WWP2: variants seen among roughly 807,000 people sequenced by gnomAD.
The protein encoded by WWP2 is NEDD4-like E3 ubiquitin-protein ligase WWP2.
In WWP2, 57 loss-of-function variants were observed where a neutral mutation model predicts 121.0. The ratio of observed to expected loss-of-function variants is 0.47; its 90% CI spans 0.38 to 0.59. The LOEUF (loss-of-function observed/expected upper bound fraction) is 0.59. Ranked by LOEUF, WWP2 falls within the 20% of genes least tolerant of loss-of-function variation. The pLI, the probability that WWP2 is intolerant of heterozygous loss-of-function variation, is 0.00. For missense variants in WWP2, 962 were observed against 1,158.9 expected, an observed-to-expected ratio of 0.83 and a Z score of 2.47; for synonymous variants, 449 against 441.3, an observed-to-expected ratio of 1.02 and a Z score of -0.22.
At chr16:69,842,244 C>A in intron 6 of WWP2, 124 bp downstream of exon 6, 2 of 908,000 alleles carry the variant, frequency 2.2e-6, no homozygotes. Flanking sequence ...GATCTTGTAA[C>A]TGACTCAGTA....
intron 14 of WWP2, 108 bp from the exon 15 acceptor site, chr16:69,931,401 G>A: frequency 6.6e-7 from 1 of 1,511,618 alleles, no homozygotes; most frequent in East Asian, 2.3e-5. Context: ...TAGGGCACAT[G>A]CTATTGCCTC....
At chr16:69,763,131 T>C (rs1367477097) in intron 1 of WWP2, among the ~76,000 whole-genome samples, 4 of 152,248 alleles carry the variant, frequency 2.6e-5, no homozygotes, top group Non-Finnish European at 4.4e-5. Context: ...TAGCTTACAC[T>C]GTTGACCTAG....
At chr16:69,798,571 T>C (rs2056095971) in intron 2 of WWP2, 111 bp from the exon 3 acceptor site, 1 of 1,288,050 alleles carries the variant, frequency 7.8e-7, no homozygotes, top group Non-Finnish European at 1.0e-6. Context: ...AAACAAAATG[T>C]ATTGATTTAT....
chr16:69,783,136 G>C (rs1278134088), intron 1 of WWP2: 1 of 151,570 alleles, frequency 6.6e-6, no homozygotes, highest in Non-Finnish European at 1.5e-5. Context: ...TCAGCCTCCG[G>C]ATACCTGGGA....
rs942871192 is a variant in WWP2 at position 69,937,461 on chromosome 16, A to G, written c.2239-87A>G. On this transcript the variant is annotated intron_variant, in intron 20 of 23. Coordinates refer to ENST00000359154, the MANE Select transcript of WWP2 (RefSeq NM_001270454.2). This position sits in a 1 kb window ranked among gnomAD's most constrained non-coding sequence, Gnocchi z 6.6. ...GCTGACACCAAAAATAGCTAGTTGA[A>G]TATGTTTGGGGTAATGTCAAGTGCT... 1 of 1,444,060 alleles carries G rather than the reference A, an allele frequency of 6.9e-7. No individual in the cohort carries two copies. The highest frequency in any genetic ancestry group is 9.6e-7 in the Non-Finnish European group (1 of 1,038,086). The allele number at this position is 1,444,060 out of a possible 1,614,324, so 89.5% of individuals were successfully genotyped here. A position where few individuals can be genotyped will look rare whatever the true frequency, so the allele number is the denominator to read the frequency against.
chr16:69,792,979 T>G (rs2055944596), intron 2 of WWP2, among the ~76,000 whole-genome samples: 1 of 152,184 alleles, frequency 6.6e-6, no homozygotes, highest in African/African-American at 2.4e-5. Flanking sequence ...GGTGAGCCAC[T>G]GTGCCTGGCC....
At chr16:69,874,958 G>A (rs949140750) in intron 7 of WWP2, among the ~76,000 whole-genome samples, 12 of 151,910 alleles carry the variant, frequency 7.9e-5, no homozygotes, top group Admixed American at 2.0e-4. Context: ...GGAGGCAGAT[G>A]TTGCAGTGAG....
intron 4 of WWP2, among the ~76,000 whole-genome samples, chr16:69,816,312 G>C (rs1168295401): frequency 6.6e-6 from 1 of 151,688 alleles, no homozygotes; most frequent in Non-Finnish European, 1.5e-5. Flanking sequence ...GCCCAGTGCA[G>C]TGGCTCACGC....
At chr16:69,827,486 AGGTCCCT>A (rs2056722556) in intron 4 of WWP2, among the ~76,000 whole-genome samples, 1 of 152,266 alleles carries the variant, frequency 6.6e-6, no homozygotes, top group East Asian at 1.9e-4. Flanking sequence ...GGGGCATAAT[AGGTCCCT>A]CATCTGAAAT....
Position 69,768,450 on chromosome 16 carries a change from A to C in WWP2, c.-16+6059A>C, listed in dbSNP as rs578194898. Reference sequence around the variant, plus strand: ...ATGGAGAAACCCCGTCTCTACTAAAAATACAAAAAATTAGCTAGGCGTGGT... The same window carrying C: ...ATGGAGAAACCCCGTCTCTACTAAACATACAAAAAATTAGCTAGGCGTGGT... On this transcript the variant is annotated intron_variant, in intron 1 of 23. Transcript: ENST00000359154. 4.6e-5 allele frequency among the ~76,000 whole-genome samples: 7 copies of C among 152,188 alleles called. No individual in the cohort carries two copies. In the South Asian group the frequency reaches 1.5e-3, roughly 32 times the overall value.
intron 1 of WWP2, among the ~76,000 whole-genome samples, chr16:69,763,190 A>T (rs2038654993): frequency 6.6e-6 from 1 of 152,218 alleles, no homozygotes; most frequent in Admixed American, 6.5e-5. Context: ...TTGGACAGAG[A>T]AGTGTCTACC....
At chr16:69,931,260 T>C in intron 14 of WWP2, 33 bp downstream of exon 14, 1 of 1,612,456 alleles carries the variant, frequency 6.2e-7, no homozygotes, top group Non-Finnish European at 8.5e-7. Flanking sequence ...CCGTGGCAGT[T>C]GGGGTTATTG....
intron 4 of WWP2, among the ~76,000 whole-genome samples, chr16:69,814,725 C>T (rs182303008): frequency 2.6e-4 from 40 of 152,300 alleles, no homozygotes; most frequent in Admixed American, 2.4e-3. Context: ...CAGTCATGAG[C>T]GGTGGGCCTC....
intron 11 of WWP2, 101 bp from the exon 12 acceptor site, chr16:69,929,347 G>A (rs2058680077): frequency 4.7e-6 from 5 of 1,065,706 alleles, no homozygotes; most frequent in Non-Finnish European, 7.0e-6. Flanking sequence ...ACAACAGGGA[G>A]ATAAACTCAG....
chr16:69,876,217 C>T (rs1205278810), intron 7 of WWP2, among the ~76,000 whole-genome samples: 2 of 152,108 alleles, frequency 1.3e-5, no homozygotes, highest in Non-Finnish European at 2.9e-5. Flanking sequence ...CTTGGCCTCC[C>T]AAAGTGCTGG....
intron 4 of WWP2, among the ~76,000 whole-genome samples, chr16:69,801,940 T>A (rs141088984): frequency 0.012 from 1,768 of 152,034 alleles, 31 homozygotes; most frequent in African/African-American, 0.04. Context: ...TTATTTATTT[T>A]TTTTTCTGAG....
chr16:69,878,104 A>C (rs2057766700), intron 7 of WWP2, among the ~76,000 whole-genome samples: 1 of 152,156 alleles, frequency 6.6e-6, no homozygotes, highest in Admixed American at 6.6e-5. Context: ...CACCGTGCCC[A>C]GCCCAAATTT....
At chr16:69,768,667 A>G (rs1182947915) in intron 1 of WWP2, among the ~76,000 whole-genome samples, 1 of 152,244 alleles carries the variant, frequency 6.6e-6, no homozygotes, top group Middle Eastern at 3.4e-3. Flanking sequence ...GTCCTGACCT[A>G]GGGCCCGTCC....
At chr16:69,872,895 G>A (rs2057667192) in intron 7 of WWP2, among the ~76,000 whole-genome samples, 1 of 152,226 alleles carries the variant, frequency 6.6e-6, no homozygotes, top group Non-Finnish European at 1.5e-5. Context: ...CATCAGGACA[G>A]AGTCAAAAAG....
Sources: gnomAD v4.1 joint callset for allele counts (sites outside exome capture counted in the v4.1 genomes callset) on GRCh38, gnomAD v4.1.1 for gene constraint, Gnocchi (gnomAD v3.1) non-coding constraint, MANE v1.5 for transcripts, NCBI Gene and HGNC (gene_info 2026-07-23, HGNC 2026-07-21) for gene names.